The following ZBTB49 variants were observed in gnomAD, a reference collection of about 807,000 sequenced individuals.
ZBTB49 encodes zinc finger and BTB domain-containing protein 49.
In ZBTB49, 43 loss-of-function variants were observed where a neutral mutation model predicts 57.5. That is an observed-to-expected ratio of 0.75 (90% confidence interval 0.59 to 0.97). The LOEUF (loss-of-function observed/expected upper bound fraction) is 0.97, where lower values mean the gene tolerates loss of function less well. Ranked by LOEUF, ZBTB49 falls within the 50% of genes least tolerant of loss-of-function variation. The pLI is 0.00. For synonymous variants in ZBTB49, 369 were observed against 362.1 expected (o/e 1.02, Z -0.22); for missense variants, 938 against 947.7 (o/e 0.99, Z 0.13).
chr4:4,309,653 G>A (rs970398743), intron 4 of ZBTB49, among the ~76,000 whole-genome samples: 1 of 152,172 alleles, frequency 6.6e-6, no homozygotes, highest in Non-Finnish European at 1.5e-5. Flanking sequence ...CCCGAGTCCG[G>A]GGGTCCTAGT....
chr4:4,314,929 C>T (rs777231560), intron 5 of ZBTB49, among the ~76,000 whole-genome samples: 1 of 152,246 alleles, frequency 6.6e-6, no homozygotes, highest in South Asian at 2.1e-4. Context: ...AACCGATCAC[C>T]TGCACACAGC....
chr4:4,302,636 A>G lies in ZBTB49; in HGVS notation c.800A>G (p.Glu267Gly). The part of the protein sequence containing the change: ...CAVSHSECIL[E>G]SPEHLPSNFL... Reference sequence around the variant, plus strand: ...GTCAGTCATTCTGAATGCATCCTGGAGTCTCCCGAGCACTTACCTTCCAAC... The same window carrying G: ...GTCAGTCATTCTGAATGCATCCTGGGGTCTCCCGAGCACTTACCTTCCAAC... Residue 267 changes from glutamate to glycine, a missense_variant, in exon 3 of 8, where the codon GAG becomes GGG. Coordinates refer to ENST00000337872, the MANE Select transcript of ZBTB49 (RefSeq NM_145291.4). 3 of 1,612,262 alleles carry G rather than the reference A, an allele frequency of 1.9e-6. No individual in the cohort carries two copies. Among genetic ancestry groups the G allele is most frequent in the Non-Finnish European group, 2.5e-6 (3 of 1,179,000 alleles).
Position 4,302,742 on chromosome 4 carries a change from G to T in ZBTB49, c.906G>T (p.Arg302Ser). The T allele has an allele frequency of 6.2e-7, 1 of 1,613,964 alleles. No individual in the cohort carries two copies. Among genetic ancestry groups the T allele is most frequent in the Non-Finnish European group, 8.5e-7 (1 of 1,179,988 alleles). The change falls in exon 3 of 8, where the codon AGG becomes AGT. Residue 302 changes from arginine to serine, a missense_variant. By Grantham distance (110) the Arg-to-Ser change is moderately radical. Coordinates refer to ENST00000337872, the MANE Select transcript of ZBTB49 (RefSeq NM_145291.4). ...GCCAACAACCTGTCAAGCAGATGAG[G>T]CTCAAAAAGGCCATTCATCTGAAGA... The part of the protein sequence containing the change: ...ATCQQPVKQM[R>S]LKKAIHLKKL...
chr4:4,320,701 G>A lies in ZBTB49; in HGVS notation c.1683G>A (p.Lys561=). ...RRHVRTHTGE[K]PYTCEICNKC... ...ATGTCCGCACTCACACTGGGGAGAA[G>A]CCGTACACATGTGAGATCTGTAACA... The change falls in exon 8 of 8, where the codon AAG becomes AAA. Residue 561 remains lysine, a synonymous_variant. Coordinates refer to ENST00000337872, the MANE Select transcript of ZBTB49 (RefSeq NM_145291.4). 6.2e-7 allele frequency: 1 copy of A among 1,614,236 alleles called. No individual in the cohort carries two copies. Among genetic ancestry groups the A allele is most frequent in the Non-Finnish European group, 8.5e-7 (1 of 1,180,048 alleles).
intron 3 of ZBTB49, among the ~76,000 whole-genome samples, chr4:4,304,119 T>A (rs144618152): frequency 6.6e-6 from 1 of 152,312 alleles, no homozygotes; most frequent in African/African-American, 2.4e-5. Flanking sequence ...CACTAGTAGT[T>A]CAAAATTATT....
chr4:4,316,048 T>G, intron 7 of ZBTB49, 78 bp downstream of exon 7: 1 of 1,546,480 alleles, frequency 6.5e-7, no homozygotes, highest in Non-Finnish European at 8.8e-7. Context: ...ATTAGCTGAG[T>G]GCGTGTCTGG....
At chr4:4,316,120 C>G in intron 7 of ZBTB49, 150 bp downstream of exon 7, 1 of 1,079,606 alleles carries the variant, frequency 9.3e-7, no homozygotes, top group Non-Finnish European at 1.3e-6. Context: ...TTCATTCCTG[C>G]ATTTGTGTGT....
intron 4 of ZBTB49, among the ~76,000 whole-genome samples, chr4:4,310,371 A>C (rs1720931999): frequency 6.6e-6 from 1 of 152,182 alleles, no homozygotes; most frequent in African/African-American, 2.4e-5. Flanking sequence ...GCCTCTGTTG[A>C]CTTCTCTGTA....
intron 1 of ZBTB49, among the ~76,000 whole-genome samples, chr4:4,292,637 AT>A (rs1577226748): frequency 6.6e-6 from 1 of 152,230 alleles, no homozygotes; most frequent in Non-Finnish European, 1.5e-5. Flanking sequence ...CAGTGCTTTT[AT>A]GAGTAGGGTG....
chr4:4,302,919 C>G lies in ZBTB49; in HGVS notation c.1083C>G (p.Val361=), dbSNP rs577987301. 3.1e-6 allele frequency: 5 copies of G among 1,614,152 alleles called. No homozygotes were observed. In the South Asian group the frequency reaches 5.5e-5, roughly 18 times the overall value. The change falls in exon 3 of 8, where the codon GTC becomes GTG. Residue 361 remains valine, a synonymous_variant. Coordinates refer to ENST00000337872, the MANE Select transcript of ZBTB49 (RefSeq NM_145291.4). The stretch of plus-strand genomic sequence containing the variant: ...CTGAAGAAAAAGAAAGTGAAGAAGT[C>G]GTCAGTTGTGAGAATTTTAATTGCA... ...QSAEEKESEE[V]VSCENFNCIS...
At chr4:4,293,930 G>A (rs77149544) in intron 1 of ZBTB49, among the ~76,000 whole-genome samples, 9,692 of 152,290 alleles carry the variant, frequency 0.064, 753 homozygotes, top group East Asian at 0.32. Flanking sequence ...AGCCTGTGCA[G>A]GAGGGAAGGA....
chr4:4,302,739 G>T lies in ZBTB49; in HGVS notation c.903G>T (p.Met301Ile), dbSNP rs1432628542. Residue 301 changes from methionine to isoleucine, a missense_variant, in exon 3 of 8, where the codon ATG becomes ATT. By Grantham distance (10) the Met-to-Ile change is conservative. This residue lies in a region of ZBTB49 where 835 missense variants were observed against 819.1 expected (regional missense o/e 1.02). Transcript: ENST00000337872. Reference protein sequence around the residue: ...DATCQQPVKQMRLKKAIHLKK... With the variant: ...DATCQQPVKQIRLKKAIHLKK... ...CATGCCAACAACCTGTCAAGCAGATGAGGCTCAAAAAGGCCATTCATCTGA... is the reference window on the plus strand; with the variant it reads ...CATGCCAACAACCTGTCAAGCAGATTAGGCTCAAAAAGGCCATTCATCTGA... The T allele has an allele frequency of 6.2e-7, 1 of 1,614,008 alleles. No homozygotes were observed.
chr4:4,319,120 T>C (rs1029175864), intron 7 of ZBTB49, among the ~76,000 whole-genome samples: 1 of 152,030 alleles, frequency 6.6e-6, no homozygotes, highest in Admixed American at 6.6e-5. Flanking sequence ...CTTGAACTCC[T>C]GAGCTCAAGC....
chr4:4,318,531 CCGGGAGA>C (rs1721277783), intron 7 of ZBTB49, among the ~76,000 whole-genome samples: 1 of 152,116 alleles, frequency 6.6e-6, no homozygotes, highest in Non-Finnish European at 1.5e-5. Context: ...TAACTTGAAC[CCGGGAGA>C]CGGAGGTTGC....
chr4:4,306,137 G>T lies in ZBTB49; in HGVS notation c.1256-1G>T. On this transcript the variant is annotated splice_acceptor_variant, in intron 3 of 7. Coordinates refer to ENST00000337872, the MANE Select transcript of ZBTB49 (RefSeq NM_145291.4). LOFTEE classifies it high-confidence loss of function. The stretch of plus-strand genomic sequence containing the variant: ...CAAGTTGTTGTTTTGTTTTGTTTTA[G>T]GTGAGAAACCTTTTGAATGTAACAT... 1 of 1,612,136 alleles carries T rather than the reference G, an allele frequency of 6.2e-7. No individual in the cohort carries two copies. Among genetic ancestry groups the T allele is most frequent in the Non-Finnish European group, 8.5e-7 (1 of 1,179,398 alleles).
Position 4,306,195 on chromosome 4 carries a change from TCTTA to T in ZBTB49, c.1302+12_1302+15del. On this transcript the variant is annotated intron_variant, in intron 4 of 7. Transcript: ENST00000337872. Reference sequence around the variant, plus strand: ...AAACATTTCTCTCAGGTGGGAATACTCTTATTTATTGTTAATAATTGGAAACCTG... The same window carrying T: ...AAACATTTCTCTCAGGTGGGAATACTTTTATTGTTAATAATTGGAAACCTG... 6.2e-7 allele frequency: 1 copy of T among 1,609,472 alleles called. No homozygotes were observed. The highest frequency in any genetic ancestry group is 8.5e-7 in the Non-Finnish European group (1 of 1,176,608).
At chr4:4,311,016 T>C (rs1332667796) in intron 4 of ZBTB49, among the ~76,000 whole-genome samples, 1 of 152,226 alleles carries the variant, frequency 6.6e-6, no homozygotes, top group Non-Finnish European at 1.5e-5. Flanking sequence ...ATTTTTTGCA[T>C]GGCCCATTCC....
At chr4:4,313,987 G>A (rs928390946) in intron 5 of ZBTB49, among the ~76,000 whole-genome samples, 3 of 152,176 alleles carry the variant, frequency 2.0e-5, no homozygotes, top group Non-Finnish European at 2.9e-5. Flanking sequence ...GATTCATACC[G>A]AAGTGCCTTG....
chr4:4,297,179 G>A (rs1486639962), intron 1 of ZBTB49, among the ~76,000 whole-genome samples: 1 of 152,018 alleles, frequency 6.6e-6, no homozygotes, highest in African/African-American at 2.4e-5. Flanking sequence ...CAAGTGAATC[G>A]CCTGCCTCAG....
Sources: allele counts gnomAD v4.1 joint callset (sites outside exome capture counted in the v4.1 genomes callset), GRCh38; gene constraint gnomAD v4.1.1; regional missense constraint gnomAD v4.1.1; transcripts MANE v1.5; gene names NCBI Gene and HGNC (gene_info 2026-07-23, HGNC 2026-07-21).